Variants in SH3RF1 observed in about 807,000 individuals in gnomAD.
The protein encoded by SH3RF1 is E3 ubiquitin-protein ligase SH3RF1.
In SH3RF1, 32 loss-of-function variants were observed where a neutral mutation model predicts 74.0. The ratio of observed to expected loss-of-function variants is 0.43; its 90% CI spans 0.33 to 0.58. SH3RF1 has a LOEUF of 0.58. SH3RF1 is among the 20% of genes least tolerant of loss of function. SH3RF1 has a pLI of 0.05. For synonymous variants in SH3RF1, 396 were observed against 439.6 expected (o/e 0.90, Z 1.24); for missense variants, 954 against 1,130.9 (o/e 0.84, Z 2.24).
Position 169,095,132 on chromosome 4 carries a change from G to A in SH3RF1, c.*1387C>T, listed in dbSNP as rs1732893397. The A allele has an allele frequency of 1.3e-5, 2 of 152,580 alleles. No homozygotes were observed. Among genetic ancestry groups the A allele is most frequent in the Non-Finnish European group, 2.9e-5 (2 of 68,038 alleles). The allele number at this position is 152,580 out of a possible 1,614,324, so 9.5% of individuals were successfully genotyped here. ...TTCTGGATCCTGCCACAATTGTAAGGTGTGGGCAAATTCACTCCCACCAAG... is the reference window on the plus strand; with the variant it reads ...TTCTGGATCCTGCCACAATTGTAAGATGTGGGCAAATTCACTCCCACCAAG... On this transcript the variant is annotated 3_prime_UTR_variant, in exon 12 of 12. Transcript: ENST00000284637.
intron 2 of SH3RF1, among the ~76,000 whole-genome samples, chr4:169,259,225 G>A (rs1731236170): frequency 6.6e-6 from 1 of 151,950 alleles, no homozygotes; most frequent in Non-Finnish European, 1.5e-5. Flanking sequence ...TATTTCCTTA[G>A]GCTAACAGAA....
At chr4:169,264,210 G>C (rs2110761860) in intron 2 of SH3RF1, among the ~76,000 whole-genome samples, 1 of 152,262 alleles carries the variant, frequency 6.6e-6, no homozygotes, top group East Asian at 1.9e-4. Context: ...GGTGTCAGTG[G>C]GGTTGGCTTC....
intron 2 of SH3RF1, among the ~76,000 whole-genome samples, chr4:169,165,477 T>C (rs1016755628): frequency 6.6e-6 from 1 of 151,944 alleles, no homozygotes; most frequent in Non-Finnish European, 1.5e-5. Flanking sequence ...AAGCCAGGGG[T>C]TCACAACTAG....
Position 169,182,345 on chromosome 4 carries a change from T to C in SH3RF1, c.394-25666A>G, listed in dbSNP as rs753065849. 1.8e-4 allele frequency among the ~76,000 whole-genome samples: 28 copies of C among 152,356 alleles called. No homozygotes were observed. In the Middle Eastern group the frequency reaches 0.01, roughly 56 times the overall value. ...GGGTGACCCAAAAATCACTGAGCAG[T>C]TGCTTGTGCATGATAACAGAGTGTA... On this transcript the variant is annotated intron_variant, in intron 2 of 11. Coordinates refer to ENST00000284637, the MANE Select transcript of SH3RF1 (RefSeq NM_020870.4).
At chr4:169,193,294 G>A in intron 2 of SH3RF1, among the ~76,000 whole-genome samples, 1 of 152,046 alleles carries the variant, frequency 6.6e-6, no homozygotes, top group African/African-American at 2.4e-5. Flanking sequence ...AATAGTGAAT[G>A]AATGAATGAA....
At chr4:169,158,876 T>C (rs1049492941) in intron 2 of SH3RF1, among the ~76,000 whole-genome samples, 6 of 152,356 alleles carry the variant, frequency 3.9e-5, no homozygotes, top group Non-Finnish European at 7.3e-5. Context: ...TTTGTTTTGC[T>C]AAACATTTGT....
chr4:169,102,689 T>C (rs535793601), intron 11 of SH3RF1, among the ~76,000 whole-genome samples: 1 of 152,250 alleles, frequency 6.6e-6, no homozygotes, highest in Non-Finnish European at 1.5e-5. Flanking sequence ...TGTCATCAAT[T>C]ATACATTTTC....
chr4:169,099,544 C>A (rs998387467), intron 11 of SH3RF1, among the ~76,000 whole-genome samples: 16 of 151,978 alleles, frequency 1.1e-4, no homozygotes, highest in Admixed American at 1.0e-3. Context: ...ACATTTAAGG[C>A]AAAGCTTTAT....
chr4:169,102,522 AT>A (rs928900893), intron 11 of SH3RF1, among the ~76,000 whole-genome samples: 4 of 151,092 alleles, frequency 2.6e-5, no homozygotes, highest in African/African-American at 9.7e-5. Context: ...TTATATATAT[AT>A]TTTTTTTCTT....
chr4:169,241,015 G>A (rs969624539), intron 2 of SH3RF1, among the ~76,000 whole-genome samples: 1 of 152,184 alleles, frequency 6.6e-6, no homozygotes, highest in African/African-American at 2.4e-5. Context: ...CGGATCACGA[G>A]GTCAGGAGAT....
intron 2 of SH3RF1, among the ~76,000 whole-genome samples, chr4:169,180,287 A>G (rs548561488): frequency 6.6e-6 from 1 of 152,240 alleles, no homozygotes; most frequent in Non-Finnish European, 1.5e-5. Flanking sequence ...GAAAACCTGT[A>G]CAGAAAAATG....
At chr4:169,157,196 T>C (rs554220323) in intron 2 of SH3RF1, among the ~76,000 whole-genome samples, 2 of 152,360 alleles carry the variant, frequency 1.3e-5, no homozygotes, top group African/African-American at 4.8e-5. Context: ...CTTCCTGATA[T>C]TGCTTTTAAT....
At chr4:169,215,927 C>T (rs76812728) in intron 2 of SH3RF1, among the ~76,000 whole-genome samples, 26,384 of 152,010 alleles carry the variant, frequency 0.17, 2,808 homozygotes, top group Non-Finnish European at 0.25. Context: ...CCTCAACCCC[C>T]CAAGCGGCTG....
chr4:169,206,574 G>A, intron 2 of SH3RF1, among the ~76,000 whole-genome samples: 1 of 152,170 alleles, frequency 6.6e-6, no homozygotes, highest in East Asian at 1.9e-4. Context: ...TTAAATAAGT[G>A]AAGTCAAGAA....
At chr4:169,201,853 G>A (rs761884790) in intron 2 of SH3RF1, 1 of 152,072 alleles carries the variant, frequency 6.6e-6, no homozygotes, top group South Asian at 2.1e-4. Flanking sequence ...CCCATCTGTC[G>A]TCGCTACAGA....
At chr4:169,245,461 A>G (rs1730979952) in intron 2 of SH3RF1, among the ~76,000 whole-genome samples, 1 of 152,216 alleles carries the variant, frequency 6.6e-6, no homozygotes, top group Non-Finnish European at 1.5e-5. Flanking sequence ...ATAGTCCACT[A>G]AAATCTACTA....
chr4:169,237,079 T>C (rs887090186), intron 2 of SH3RF1, among the ~76,000 whole-genome samples: 1 of 152,136 alleles, frequency 6.6e-6, no homozygotes, highest in African/African-American at 2.4e-5. Context: ...TAGAAAGAGA[T>C]TCAACAGAAG....
chr4:169,190,799 T>A (rs1455060754), intron 2 of SH3RF1, among the ~76,000 whole-genome samples: 1 of 152,150 alleles, frequency 6.6e-6, no homozygotes, highest in Admixed American at 6.6e-5. Context: ...ATATCCCTGA[T>A]GAACACAGAT....
At chr4:169,225,882 G>A (rs963667422) in intron 2 of SH3RF1, among the ~76,000 whole-genome samples, 1 of 152,126 alleles carries the variant, frequency 6.6e-6, no homozygotes, top group Non-Finnish European at 1.5e-5. Context: ...AAACAGAAGA[G>A]ATGAGCAGAG....
Sources: allele counts gnomAD v4.1 joint callset (sites outside exome capture counted in the v4.1 genomes callset), GRCh38; gene constraint gnomAD v4.1.1; transcripts MANE v1.5; gene names NCBI Gene and HGNC (gene_info 2026-07-23, HGNC 2026-07-21).